Variants in KLF12 observed in about 807,000 individuals in gnomAD.
KLF12 encodes KLF transcription factor 12, also known as Krueppel-like factor 12.
KLF12 carries 9 observed loss-of-function variants against 37.8 expected under a neutral mutation model. The ratio of observed to expected loss-of-function variants is 0.24; its 90% CI spans 0.14 to 0.42. The LOEUF is 0.42. KLF12 is among the 10% of genes least tolerant of loss of function. The probability of loss-of-function intolerance (pLI) is 1.00; values close to 1 mark genes in which losing one functional copy is unlikely to be tolerated. For synonymous variants in KLF12, 208 were observed against 202.1 expected, an observed-to-expected ratio of 1.03 and a Z score of -0.25; for missense variants, 411 against 516.0, an observed-to-expected ratio of 0.80 and a Z score of 1.97.
At chr13:74,111,831 G>A (rs560068330) in intron 1 of KLF12, among the ~76,000 whole-genome samples, 1 of 152,212 alleles carries the variant, frequency 6.6e-6, no homozygotes, top group African/African-American at 2.4e-5. Flanking sequence ...TTAGACCTGT[G>A]AAAGATATGT....
intron 1 of KLF12, among the ~76,000 whole-genome samples, chr13:74,062,469 T>G (rs961513655): frequency 6.6e-6 from 1 of 151,124 alleles, no homozygotes; most frequent in African/African-American, 2.4e-5. Flanking sequence ...TTAAGCATCT[T>G]TAGTGACTGA....
intron 3 of KLF12, among the ~76,000 whole-genome samples, chr13:73,878,423 C>G (rs772750299): frequency 7.5e-4 from 114 of 152,182 alleles, no homozygotes; most frequent in Admixed American, 1.4e-3. Flanking sequence ...TGAAGTGGTT[C>G]CAGGTAGGCA....
chr13:74,046,239 C>T (rs1017003792), intron 1 of KLF12, among the ~76,000 whole-genome samples: 3 of 152,136 alleles, frequency 2.0e-5, no homozygotes, highest in African/African-American at 7.2e-5. Context: ...ATTAGCAACA[C>T]GGGAAACTGG....
chr13:73,743,089 T>G (rs898946635), intron 6 of KLF12, among the ~76,000 whole-genome samples: 4 of 152,032 alleles, frequency 2.6e-5, no homozygotes, highest in African/African-American at 9.7e-5. Context: ...AAGAAAATCC[T>G]GTTTCTGTTA....
chr13:74,256,094 G>A, the KLF12 span, among the ~76,000 whole-genome samples: 16 of 151,508 alleles, frequency 1.1e-4, no homozygotes, highest in African/African-American at 3.9e-4. Flanking sequence ...GGCGGAGCTT[G>A]CAGTGAGGGG....
intron 6 of KLF12, among the ~76,000 whole-genome samples, chr13:73,764,334 GA>G (rs1879764212): frequency 6.6e-6 from 1 of 151,938 alleles, no homozygotes; most frequent in Non-Finnish European, 1.5e-5. Flanking sequence ...AAATATTTGT[GA>G]AACACTTTAA....
intron 3 of KLF12, among the ~76,000 whole-genome samples, chr13:73,866,180 G>A (rs1453103591): frequency 2.0e-5 from 3 of 152,090 alleles, no homozygotes; most frequent in African/African-American, 4.8e-5. Context: ...TCTTGAACCT[G>A]GAAGGCAGAG....
intron 7 of KLF12, among the ~76,000 whole-genome samples, chr13:73,697,269 A>G (rs1874217360): frequency 6.6e-6 from 1 of 152,216 alleles, no homozygotes; most frequent in Non-Finnish European, 1.5e-5. Context: ...TACAGGATCA[A>G]GCAGCCCTTT....
intron 3 of KLF12, among the ~76,000 whole-genome samples, chr13:73,848,587 TATATATAATACATATAGC>T (rs1352481792): frequency 6.7e-6 from 1 of 148,222 alleles, no homozygotes; most frequent in Non-Finnish European, 1.5e-5. Context: ...TATAGCATAT[TATATATAATACATATAGC>T]ATATATAATA....
chr13:73,889,022 T>C (rs1887367817), intron 3 of KLF12, among the ~76,000 whole-genome samples: 1 of 152,202 alleles, frequency 6.6e-6, no homozygotes, highest in South Asian at 2.1e-4. Context: ...ATTTTACAGA[T>C]TATTTTAGAT....
intron 3 of KLF12, among the ~76,000 whole-genome samples, chr13:73,940,575 T>C (rs1890143532): frequency 6.6e-6 from 1 of 152,160 alleles, no homozygotes. Flanking sequence ...AATAACCCTA[T>C]GACATAGAGC....
intron 1 of KLF12, among the ~76,000 whole-genome samples, chr13:73,998,266 A>G (rs1370472084): frequency 6.6e-6 from 1 of 152,178 alleles, no homozygotes; most frequent in African/African-American, 2.4e-5. Flanking sequence ...ATGATCTATT[A>G]TGTTCTCAGT....
At chr13:74,068,043 C>T (rs1049371380) in intron 1 of KLF12, among the ~76,000 whole-genome samples, 4 of 152,200 alleles carry the variant, frequency 2.6e-5, no homozygotes, top group African/African-American at 9.7e-5. Context: ...TGGAATGTGA[C>T]CAGACAGCTG....
chr13:74,058,816 A>T (rs537360626), intron 1 of KLF12, among the ~76,000 whole-genome samples: 1 of 152,270 alleles, frequency 6.6e-6, no homozygotes, highest in East Asian at 1.9e-4. Flanking sequence ...ATTTGATTTT[A>T]GATTCAGGGT....
chr13:73,957,460 C>T (rs1890880207), intron 2 of KLF12, among the ~76,000 whole-genome samples: 1 of 152,070 alleles, frequency 6.6e-6, no homozygotes, highest in Non-Finnish European at 1.5e-5. Context: ...TCTCTCTGGC[C>T]CCATTCTTAG....
chr13:73,777,221 T>A (rs1223531484), intron 5 of KLF12, among the ~76,000 whole-genome samples: 1 of 152,068 alleles, frequency 6.6e-6, no homozygotes, highest in Non-Finnish European at 1.5e-5. Context: ...AAGAAAGACG[T>A]ATGTGCAAAA....
chr13:73,707,270 T>A (rs11843962), intron 7 of KLF12, among the ~76,000 whole-genome samples: 17,862 of 152,020 alleles, frequency 0.12, 1,330 homozygotes, highest in South Asian at 0.23. Context: ...GTGTGATGAG[T>A]ATATGTAAAG....
intron 6 of KLF12, among the ~76,000 whole-genome samples, chr13:73,727,121 G>T (rs59033498): frequency 0.092 from 12,268 of 133,406 alleles, 836 homozygotes; most frequent in African/African-American, 0.25. Context: ...AAACTGTTTT[G>T]TTTTTTTATT....
At chr13:73,805,704 G>T in intron 5 of KLF12, among the ~76,000 whole-genome samples, 1 of 143,906 alleles carries the variant, frequency 6.9e-6, no homozygotes, top group Non-Finnish European at 1.5e-5. Flanking sequence ...AAGGAAGGAA[G>T]GAAGGAAGGG....
Sources: allele counts gnomAD v4.1 joint callset (sites outside exome capture counted in the v4.1 genomes callset), GRCh38; gene constraint gnomAD v4.1.1; transcripts MANE v1.5; gene names NCBI Gene and HGNC (gene_info 2026-07-23, HGNC 2026-07-21).